XRCC5: variants seen among roughly 807,000 people sequenced by gnomAD.
The protein encoded by XRCC5 is X-ray repair cross complementing 5.
A neutral mutation model predicts 95.7 loss-of-function variants in XRCC5; 12 were observed. The observed-to-expected ratio is 0.13, with a 90% CI of 0.08 to 0.20. The LOEUF (loss-of-function observed/expected upper bound fraction) is 0.20, where lower values mean the gene tolerates loss of function less well. Ranked by LOEUF, XRCC5 falls within the 10% of genes least tolerant of loss-of-function variation. XRCC5 has a pLI of 1.00. For synonymous variants in XRCC5, 281 were observed against 290.3 expected, an observed-to-expected ratio of 0.97 and a Z score of 0.33; for missense variants, 595 against 873.9, an observed-to-expected ratio of 0.68 and a Z score of 4.02.
intron 16 of XRCC5, among the ~76,000 whole-genome samples, chr2:216,163,598 G>A (rs1458389590): frequency 1.9e-5 from 2 of 107,890 alleles, no homozygotes; most frequent in African/African-American, 5.8e-5. Context: ...CACCGTGCCC[G>A]GCCCAAAAAT....
intron 13 of XRCC5, among the ~76,000 whole-genome samples, chr2:216,147,158 A>G (rs185028855): frequency 1.3e-5 from 2 of 152,262 alleles, no homozygotes; most frequent in Non-Finnish European, 1.5e-5. Flanking sequence ...ATTTCAGCAA[A>G]GACTAAAATG....
At chr2:216,183,868 G>T (rs1470316339) in intron 16 of XRCC5, among the ~76,000 whole-genome samples, 2 of 152,066 alleles carry the variant, frequency 1.3e-5, no homozygotes, top group Non-Finnish European at 2.9e-5. Context: ...CTAGTTCTCT[G>T]TTTCTTTTGT....
intron 14 of XRCC5, among the ~76,000 whole-genome samples, chr2:216,157,791 T>G (rs919471802): frequency 6.6e-5 from 10 of 152,222 alleles, no homozygotes; most frequent in Non-Finnish European, 1.0e-4. Flanking sequence ...TTACCCATGG[T>G]CTCATCATCC....
chr2:216,167,572 G>GTGTGTGTGTGTGTGTGTGTGTGGGTT, intron 16 of XRCC5, among the ~76,000 whole-genome samples: 7 of 25,396 alleles, frequency 2.8e-4, no homozygotes, highest in African/African-American at 2.0e-3. Flanking sequence ...GTGTGGGTTT[G>GTGTGTGTGTGTGTGTGTGTGTGGGTT]TGTGTGTGTG....
chr2:216,198,322 G>A (rs79908200), intron 19 of XRCC5, among the ~76,000 whole-genome samples: 1 of 151,964 alleles, frequency 6.6e-6, no homozygotes, highest in Admixed American at 6.6e-5. Context: ...GAATAACCTG[G>A]AAGTCATAGA....
Position 216,187,786 on chromosome 2 carries a change from GACACACAC to G in XRCC5, c.1835-2410_1835-2403del, listed in dbSNP as rs149998611. Among the ~76,000 whole-genome samples the G allele has an allele frequency of 8.3e-3, 537 of 64,448 alleles. 10 individuals are homozygous for G. The highest frequency in any genetic ancestry group is 0.035 in the Admixed American group (175 of 5,030). The allele number at this position is 64,448 out of a possible 152,430, so 42.3% of individuals were successfully genotyped here. On this transcript the variant is annotated intron_variant, in intron 16 of 20. Coordinates refer to ENST00000392132, the MANE Select transcript of XRCC5 (RefSeq NM_021141.4). ...AGTATCTGTGATGCCATGAACTCCT[GACACACAC>G]ACACACACACACACACACACACACA...
chr2:216,132,958 A>G (rs1019485459), intron 10 of XRCC5, among the ~76,000 whole-genome samples: 2 of 152,190 alleles, frequency 1.3e-5, no homozygotes, highest in Non-Finnish European at 2.9e-5. Flanking sequence ...ATTGCAATCT[A>G]CTATCTGTTT....
At chr2:216,142,838 T>C (rs1697194400) in intron 13 of XRCC5, among the ~76,000 whole-genome samples, 1 of 152,178 alleles carries the variant, frequency 6.6e-6, no homozygotes, top group South Asian at 2.1e-4. Context: ...TTTTAAGTAG[T>C]GAAAAAAATC....
chr2:216,204,169 C>CGT (rs1246321510), intron 19 of XRCC5, 153 bp from the exon 20 acceptor site: 1 of 807,066 alleles, frequency 1.2e-6, no homozygotes, highest in Non-Finnish European at 2.0e-6. Context: ...AATGAAGTAG[C>CGT]GTATGCCAGG....
At chr2:216,159,895 T>G (rs375809678) in intron 14 of XRCC5, among the ~76,000 whole-genome samples, 173 bp from the exon 15 acceptor site, 1 of 152,320 alleles carries the variant, frequency 6.6e-6, no homozygotes, top group South Asian at 2.1e-4. Flanking sequence ...GCAGCTTGTT[T>G]GTAGAAGGAC....
chr2:216,130,262 G>A (rs1168095705), intron 8 of XRCC5, among the ~76,000 whole-genome samples: 2 of 146,712 alleles, frequency 1.4e-5, no homozygotes, highest in African/African-American at 5.0e-5. Context: ...TTAAGAAGCC[G>A]AGAGCCTATG....
At chr2:216,137,981 G>A (rs556381498) in intron 11 of XRCC5, 108 bp from the exon 12 acceptor site, 17 of 985,332 alleles carry the variant, frequency 1.7e-5, no homozygotes, top group African/African-American at 1.5e-4. Flanking sequence ...TGGGCTGTCC[G>A]ATTTTTGAAA....
chr2:216,171,797 C>G (rs1394478994), intron 16 of XRCC5, among the ~76,000 whole-genome samples: 1 of 152,212 alleles, frequency 6.6e-6, no homozygotes, highest in Non-Finnish European at 1.5e-5. Flanking sequence ...TCTAGTTTCT[C>G]TCTTCTGTCT....
At chr2:216,152,378 T>G (rs762843399) in intron 14 of XRCC5, among the ~76,000 whole-genome samples, 1 of 151,904 alleles carries the variant, frequency 6.6e-6, no homozygotes, top group Admixed American at 6.6e-5. Flanking sequence ...AGGCGGAGGT[T>G]TGCAGTGGGC....
intron 9 of XRCC5, chr2:216,131,320 A>G: frequency 1.0e-6 from 1 of 953,822 alleles, no homozygotes; most frequent in Admixed American, 6.2e-5. Flanking sequence ...TTATGGTGAA[A>G]GTGCTCATAA....
At chr2:216,160,613 AC>A (rs1461627104) in intron 15 of XRCC5, among the ~76,000 whole-genome samples, 1 of 152,204 alleles carries the variant, frequency 6.6e-6, no homozygotes, top group Non-Finnish European at 1.5e-5. Context: ...ATCCTTTGAT[AC>A]ATGAGATTTT....
intron 16 of XRCC5, among the ~76,000 whole-genome samples, chr2:216,167,611 T>TGTGG (rs1689077687): frequency 7.0e-6 from 1 of 143,540 alleles, no homozygotes; most frequent in East Asian, 2.0e-4. Flanking sequence ...TGTGTGTGTG[T>TGTGG]GTGATTTTTT....
chr2:216,177,260 C>A (rs150839602), intron 16 of XRCC5, among the ~76,000 whole-genome samples: 2 of 152,082 alleles, frequency 1.3e-5, no homozygotes, highest in Non-Finnish European at 2.9e-5. Context: ...AGTTGTTTTC[C>A]GTGACGTTTT....
At chr2:216,156,150 A>G (rs1574469825) in intron 14 of XRCC5, among the ~76,000 whole-genome samples, 1 of 152,352 alleles carries the variant, frequency 6.6e-6, no homozygotes, top group Non-Finnish European at 1.5e-5. Context: ...CAGATTTCAC[A>G]GCTTTTCAAC....
Sources: gnomAD v4.1 joint callset for allele counts (sites outside exome capture counted in the v4.1 genomes callset) on GRCh38, gnomAD v4.1.1 for gene constraint, MANE v1.5 for transcripts, NCBI Gene and HGNC (gene_info 2026-07-23, HGNC 2026-07-21) for gene names.